Variants in CIBAR1 observed in about 807,000 individuals in gnomAD.
The protein encoded by CIBAR1 is CBY1-interacting BAR domain-containing protein 1.
CIBAR1 carries 25 observed loss-of-function variants against 44.0 expected under a neutral mutation model. The ratio of observed to expected loss-of-function variants is 0.57; its 90% CI spans 0.41 to 0.79. The LOEUF (loss-of-function observed/expected upper bound fraction) is 0.79, where lower values mean the gene tolerates loss of function less well. CIBAR1 is among the 30% of genes least tolerant of loss of function. The pLI, the probability that CIBAR1 is intolerant of heterozygous loss-of-function variation, is 0.00. For synonymous variants in CIBAR1, 115 were observed against 119.0 expected, an observed-to-expected ratio of 0.97 and a Z score of 0.22; for missense variants, 278 against 344.8, an observed-to-expected ratio of 0.81 and a Z score of 1.53.
chr8:93,709,015 A>G (rs1810714035), intron 5 of CIBAR1, among the ~76,000 whole-genome samples: 1 of 152,186 alleles, frequency 6.6e-6, no homozygotes, highest in Non-Finnish European at 1.5e-5. Context: ...GCGGTGGCTT[A>G]CACCTGTAAT....
intron 7 of CIBAR1, 22 bp from the exon 8 acceptor site, chr8:93,726,372 T>G: frequency 6.3e-7 from 1 of 1,598,592 alleles, no homozygotes; most frequent in Non-Finnish European, 8.5e-7. Context: ...TACTTTATAA[T>G]GCTATTTTAT....
intron 7 of CIBAR1, chr8:93,724,376 C>T (rs1374255805): frequency 2.7e-5 from 9 of 329,782 alleles, no homozygotes; most frequent in South Asian, 4.6e-5. Context: ...CCCATGCTGG[C>T]GTGCAGTGGC....
chr8:93,717,156 T>C (rs941462901), intron 6 of CIBAR1, among the ~76,000 whole-genome samples: 1 of 152,242 alleles, frequency 6.6e-6, no homozygotes, highest in South Asian at 2.1e-4. Flanking sequence ...GCTAGTTTAC[T>C]TCTTGAGCAT....
At chr8:93,700,997 G>T in intron 1 of CIBAR1, 1 of 1,411,640 alleles carries the variant, frequency 7.1e-7, no homozygotes, top group East Asian at 2.6e-5. Flanking sequence ...CACCTCCCCA[G>T]TTAAGGCCAG....
intron 6 of CIBAR1, among the ~76,000 whole-genome samples, chr8:93,714,731 A>G (rs1306808510): frequency 6.6e-6 from 1 of 150,978 alleles, no homozygotes; most frequent in Non-Finnish European, 1.5e-5. Flanking sequence ...CAATCCTCCC[A>G]CCTCAACCTC....
intron 1 of CIBAR1, 61 bp downstream of exon 1, chr8:93,700,734 T>G: frequency 1.4e-6 from 2 of 1,457,034 alleles, no homozygotes. Context: ...GTGAGGGAAG[T>G]GGAAGCCTCT....
chr8:93,706,911 AGAAGTATGTT>A (rs1462245105), intron 4 of CIBAR1, among the ~76,000 whole-genome samples: 4 of 152,194 alleles, frequency 2.6e-5, no homozygotes, highest in African/African-American at 9.6e-5. Flanking sequence ...TCATCTATGT[AGAAGTATGTT>A]TAAGTTTGAT....
intron 6 of CIBAR1, among the ~76,000 whole-genome samples, chr8:93,711,191 C>A (rs1586269543): frequency 1.3e-5 from 2 of 152,286 alleles, no homozygotes; most frequent in South Asian, 4.1e-4. Context: ...CCTCTTATGA[C>A]CATCTTACAG....
chr8:93,700,613 GC>G lies in CIBAR1; in HGVS notation c.-30del, dbSNP rs1563636136. 1 of 1,480,336 alleles carries G rather than the reference GC, an allele frequency of 6.8e-7. No individual in the cohort carries two copies. Among genetic ancestry groups the G allele is most frequent in the Non-Finnish European group, 9.0e-7 (1 of 1,115,290 alleles). 91.7% of individuals were successfully genotyped at this position (1,480,336 alleles called of 1,614,324 possible). On this transcript the variant is annotated 5_prime_UTR_variant, in exon 1 of 9. Transcript: ENST00000518322. ...GGCGCCTTGGAATCCCCGTCCTTGGGCCCCCGCAAGGTCCCCGGCCGTGCGC... is the reference window on the plus strand; with the variant it reads ...GGCGCCTTGGAATCCCCGTCCTTGGGCCCCGCAAGGTCCCCGGCCGTGCGC...
chr8:93,701,760 A>G (rs7006499), intron 2 of CIBAR1: 91,438 of 339,152 alleles, frequency 0.27, 13,167 homozygotes, highest in East Asian at 0.33. Flanking sequence ...CAGGGGGAAG[A>G]AAATAAGCAT....
intron 7 of CIBAR1, among the ~76,000 whole-genome samples, chr8:93,725,390 A>C (rs904396916): frequency 5.9e-5 from 9 of 152,192 alleles, no homozygotes; most frequent in Admixed American, 2.0e-4. Context: ...CAGGACAATG[A>C]AAGAGTTTAG....
At chr8:93,719,141 G>A (rs968814843) in intron 7 of CIBAR1, among the ~76,000 whole-genome samples, 2 of 152,076 alleles carry the variant, frequency 1.3e-5, no homozygotes, top group African/African-American at 4.8e-5. Flanking sequence ...TGGGATTACA[G>A]GCATGAACCA....
chr8:93,701,066 C>A, intron 1 of CIBAR1, 158 bp from the exon 2 acceptor site: 1 of 1,473,594 alleles, frequency 6.8e-7, no homozygotes, highest in Non-Finnish European at 9.0e-7. Flanking sequence ...AGGTCAGGAC[C>A]CCATGGAGAG....
At chr8:93,701,005 C>G (rs1383722584) in intron 1 of CIBAR1, 2 of 1,419,622 alleles carry the variant, frequency 1.4e-6, no homozygotes, top group Non-Finnish European at 1.8e-6. Context: ...CAGTTAAGGC[C>G]AGGCCCACCC....
intron 7 of CIBAR1, among the ~76,000 whole-genome samples, chr8:93,722,493 T>TC (rs1247839474): frequency 3.3e-5 from 5 of 152,022 alleles, no homozygotes; most frequent in African/African-American, 1.2e-4. Flanking sequence ...GGTCAGGAGT[T>TC]CGAGACCATC....
chr8:93,705,144 T>G, intron 4 of CIBAR1, 134 bp downstream of exon 4: 6 of 600,810 alleles, frequency 1.0e-5, no homozygotes, highest in Non-Finnish European at 1.7e-5. Flanking sequence ...GAAATGCATT[T>G]AGGAATTCTC....
At chr8:93,727,938 A>G (rs572891394) in intron 8 of CIBAR1, among the ~76,000 whole-genome samples, 3 of 152,238 alleles carry the variant, frequency 2.0e-5, no homozygotes, top group Admixed American at 6.5e-5. Context: ...TATAGAGTCT[A>G]TACTTTTAAT....
chr8:93,722,194 A>AC (rs1811290067), intron 7 of CIBAR1, among the ~76,000 whole-genome samples: 1 of 152,240 alleles, frequency 6.6e-6, no homozygotes, highest in South Asian at 2.1e-4. Flanking sequence ...GATATATCAA[A>AC]CAGGTACCTA....
chr8:93,717,465 T>C (rs1038416178), intron 6 of CIBAR1, among the ~76,000 whole-genome samples: 2 of 152,210 alleles, frequency 1.3e-5, no homozygotes, highest in South Asian at 4.1e-4. Context: ...GTAAGGGTCA[T>C]TGTGAATCAT....
Sources: gnomAD v4.1 joint callset for allele counts (sites outside exome capture counted in the v4.1 genomes callset) on GRCh38, gnomAD v4.1.1 for gene constraint, MANE v1.5 for transcripts, NCBI Gene and HGNC (gene_info 2026-07-23, HGNC 2026-07-21) for gene names.